Variants in CADPS2 observed in about 807,000 individuals in gnomAD.
CADPS2 encodes calcium dependent secretion activator 2, also known as calcium-dependent secretion activator 2.
Under a neutral mutation model 172.5 loss-of-function variants are expected in CADPS2, and 93 were observed. The ratio of observed to expected loss-of-function variants is 0.54; its 90% CI spans 0.46 to 0.64. The LOEUF is 0.64. Among genes scored for constraint, CADPS2 ranks in the 30% least tolerant of loss-of-function variants. CADPS2 has a pLI of 0.00. For synonymous variants in CADPS2, 546 were observed against 555.2 expected, an observed-to-expected ratio of 0.98 and a Z score of 0.23; for missense variants, 1,420 against 1,565.9, an observed-to-expected ratio of 0.91 and a Z score of 1.57.
chr7:122,369,130 C>A (rs2041388240), intron 25 of CADPS2, among the ~76,000 whole-genome samples: 2 of 31,292 alleles, frequency 6.4e-5, no homozygotes, highest in Middle Eastern at 0.024. Context: ...TTTTGTTTCC[C>A]CCCCCCCCCC....
At chr7:122,812,958 T>C (rs79578012) in intron 1 of CADPS2, among the ~76,000 whole-genome samples, 2 of 152,148 alleles carry the variant, frequency 1.3e-5, no homozygotes, top group African/African-American at 2.4e-5. Context: ...TATGGGCTGT[T>C]TGCCAATTGG....
chr7:122,739,112 G>C (rs1281101699), intron 1 of CADPS2, among the ~76,000 whole-genome samples: 15 of 152,258 alleles, frequency 9.9e-5, no homozygotes, highest in Admixed American at 8.5e-4. Flanking sequence ...GGACCAAATG[G>C]AAATGGGACA....
At chr7:122,780,380 T>A (rs1792369305) in intron 1 of CADPS2, among the ~76,000 whole-genome samples, 1 of 152,284 alleles carries the variant, frequency 6.6e-6, no homozygotes, top group East Asian at 1.9e-4. Flanking sequence ...GATATAAATA[T>A]GCATCCAACT....
At chr7:122,389,273 G>A (rs1027659589) in intron 22 of CADPS2, among the ~76,000 whole-genome samples, 7 of 152,000 alleles carry the variant, frequency 4.6e-5, no homozygotes, top group African/African-American at 1.7e-4. Context: ...GCTAGGTAGG[G>A]AAGCAATCTT....
At chr7:122,432,465 C>A (rs557610035) in intron 17 of CADPS2, among the ~76,000 whole-genome samples, 2 of 151,554 alleles carry the variant, frequency 1.3e-5, no homozygotes, top group African/African-American at 4.8e-5. Flanking sequence ...CATGGTGAAA[C>A]CCCATCTCTA....
intron 6 of CADPS2, among the ~76,000 whole-genome samples, chr7:122,602,510 G>C (rs1407756548): frequency 6.6e-6 from 1 of 152,016 alleles, no homozygotes; most frequent in African/African-American, 2.4e-5. Context: ...GAAAAAGAGA[G>C]GGTTCTGAGA....
chr7:122,722,665 C>A (rs867272221), intron 2 of CADPS2, among the ~76,000 whole-genome samples: 36 of 5,366 alleles, frequency 6.7e-3, no homozygotes, highest in East Asian at 0.025. Context: ...CTACCAATGA[C>A]TTGGAAAAAA....
intron 2 of CADPS2, among the ~76,000 whole-genome samples, chr7:122,674,156 C>T: frequency 6.6e-6 from 1 of 152,172 alleles, no homozygotes; most frequent in East Asian, 1.9e-4. Flanking sequence ...CCACCCGGAA[C>T]TCACGCTGTC....
chr7:122,398,005 G>A (rs989203807), intron 20 of CADPS2, among the ~76,000 whole-genome samples: 1 of 152,104 alleles, frequency 6.6e-6, no homozygotes, highest in Admixed American at 6.5e-5. Flanking sequence ...AGAAAATAAT[G>A]AGGCATCAAT....
intron 1 of CADPS2, among the ~76,000 whole-genome samples, chr7:122,740,364 T>C (rs1257332299): frequency 6.6e-6 from 1 of 152,132 alleles, no homozygotes; most frequent in Non-Finnish European, 1.5e-5. Context: ...GAATATTATT[T>C]AGCAAGTAAT....
intron 19 of CADPS2, among the ~76,000 whole-genome samples, chr7:122,408,482 T>C (rs1256110333): frequency 6.6e-6 from 1 of 152,184 alleles, no homozygotes; most frequent in Non-Finnish European, 1.5e-5. Context: ...TGGAGTGCAG[T>C]GGGTTGATCT....
At chr7:122,369,825 A>G (rs1012387148) in intron 25 of CADPS2, 1 of 152,172 alleles carries the variant, frequency 6.6e-6, no homozygotes, top group Non-Finnish European at 1.5e-5. Context: ...TTCAACAGAG[A>G]CCAAGTAACA....
chr7:122,390,265 C>T (rs962341048), intron 22 of CADPS2, among the ~76,000 whole-genome samples: 2 of 152,048 alleles, frequency 1.3e-5, no homozygotes, highest in African/African-American at 4.8e-5. Context: ...TCTGATACTA[C>T]AGTGAAAGTG....
At chr7:122,493,333 T>C (rs1277581626) in intron 9 of CADPS2, among the ~76,000 whole-genome samples, 5 of 152,122 alleles carry the variant, frequency 3.3e-5, no homozygotes, top group African/African-American at 4.8e-5. Flanking sequence ...GGGATCAACA[T>C]TGTAACTTTT....
At chr7:122,590,966 C>T (rs1359487441) in intron 6 of CADPS2, among the ~76,000 whole-genome samples, 2 of 151,712 alleles carry the variant, frequency 1.3e-5, no homozygotes, top group East Asian at 3.9e-4. Context: ...ATTGGGTGAT[C>T]AATAATGTTT....
At chr7:122,551,666 TAAC>T (rs926408169) in intron 8 of CADPS2, among the ~76,000 whole-genome samples, 1 of 152,132 alleles carries the variant, frequency 6.6e-6, no homozygotes, top group Non-Finnish European at 1.5e-5. Context: ...TTAATCCACC[TAAC>T]AACTCTATCT....
At chr7:122,878,379 G>T (rs1050119878) in intron 1 of CADPS2, among the ~76,000 whole-genome samples, 2 of 151,402 alleles carry the variant, frequency 1.3e-5, no homozygotes, top group Middle Eastern at 3.5e-3. Context: ...TCGGCCGGGC[G>T]CGGTGGCTCA....
At chr7:122,620,270 T>C (rs2075434636) in intron 5 of CADPS2, among the ~76,000 whole-genome samples, 1 of 152,196 alleles carries the variant, frequency 6.6e-6, no homozygotes, top group Non-Finnish European at 1.5e-5. Flanking sequence ...AAGTGTCACA[T>C]TGTTACTATT....
chr7:122,791,047 A>C (rs1162879539), intron 1 of CADPS2, among the ~76,000 whole-genome samples: 2 of 152,166 alleles, frequency 1.3e-5, no homozygotes, highest in African/African-American at 4.8e-5. Flanking sequence ...CAATTCCCCT[A>C]GCTGTCTGAA....
Sources: allele counts gnomAD v4.1 joint callset (sites outside exome capture counted in the v4.1 genomes callset), GRCh38; gene constraint gnomAD v4.1.1; transcripts MANE v1.5; gene names NCBI Gene and HGNC (gene_info 2026-07-23, HGNC 2026-07-21).